Variants in ELP3 observed in about 807,000 individuals in gnomAD.
The protein encoded by ELP3 is elongator complex protein 3.
A neutral mutation model predicts 74.9 loss-of-function variants in ELP3; 56 were observed. The ratio of observed to expected loss-of-function variants is 0.75; its 90% CI spans 0.60 to 0.93. ELP3 has a LOEUF of 0.93. Among genes scored for constraint, ELP3 ranks in the 40% least tolerant of loss-of-function variants. The probability of loss-of-function intolerance (pLI) is 0.00; values close to 1 mark genes in which losing one functional copy is unlikely to be tolerated. For missense variants in ELP3, 573 were observed against 686.5 expected (o/e 0.83, Z 1.85); for synonymous variants, 222 against 239.8 (o/e 0.93, Z 0.68).
intron 7 of ELP3, among the ~76,000 whole-genome samples, chr8:28,117,373 T>C (rs1563255839): frequency 6.6e-6 from 1 of 152,168 alleles, no homozygotes; most frequent in Non-Finnish European, 1.5e-5. Context: ...TTTTCCATCA[T>C]TGGGTTGAAA....
At chr8:28,124,513 T>G (rs1257960782) in intron 7 of ELP3, among the ~76,000 whole-genome samples, 1 of 152,208 alleles carries the variant, frequency 6.6e-6, no homozygotes, top group Non-Finnish European at 1.5e-5. Context: ...TATTCTTCAT[T>G]TAGCAACCAC....
At chr8:28,120,951 T>C (rs565564193) in intron 7 of ELP3, among the ~76,000 whole-genome samples, 2 of 152,386 alleles carry the variant, frequency 1.3e-5, no homozygotes, top group East Asian at 3.8e-4. Flanking sequence ...TAGTGTATCT[T>C]GAAGTCAAGT....
intron 14 of ELP3, among the ~76,000 whole-genome samples, chr8:28,169,863 A>G (rs892339837): frequency 6.6e-6 from 1 of 152,018 alleles, no homozygotes; most frequent in African/African-American, 2.4e-5. Flanking sequence ...TCGGTTCCTC[A>G]CAAGCTGTTG....
intron 3 of ELP3, 142 bp downstream of exon 3, chr8:28,100,108 G>T: frequency 2.0e-6 from 2 of 981,674 alleles, no homozygotes; most frequent in South Asian, 3.2e-5. Flanking sequence ...ATGTGCTGGA[G>T]TGGAGACCTG....
At chr8:28,159,938 A>C (rs1814000816) in intron 12 of ELP3, among the ~76,000 whole-genome samples, 1 of 152,222 alleles carries the variant, frequency 6.6e-6, no homozygotes, top group African/African-American at 2.4e-5. Context: ...ATGGGGAGTC[A>C]AATGCATGGA....
chr8:28,166,185 C>T (rs541318906), intron 14 of ELP3, among the ~76,000 whole-genome samples: 1 of 152,238 alleles, frequency 6.6e-6, no homozygotes, highest in African/African-American at 2.4e-5. Context: ...CCCTGCCCTG[C>T]GTGAACGTTC....
At chr8:28,176,242 T>C (rs149368998) in intron 14 of ELP3, among the ~76,000 whole-genome samples, 51 of 152,326 alleles carry the variant, frequency 3.3e-4, no homozygotes, top group Admixed American at 1.8e-3. Flanking sequence ...TTTTCTTAAA[T>C]GTCTGGTTCA....
intron 5 of ELP3, among the ~76,000 whole-genome samples, chr8:28,110,123 C>T (rs1488173296): frequency 1.3e-5 from 2 of 152,106 alleles, no homozygotes; most frequent in African/African-American, 4.8e-5. Context: ...AGTGTTTATA[C>T]AAAAGACAGA....
intron 5 of ELP3, among the ~76,000 whole-genome samples, 160 bp downstream of exon 5, chr8:28,108,136 A>G (rs1811770174): frequency 6.6e-6 from 1 of 152,222 alleles, no homozygotes; most frequent in South Asian, 2.1e-4. Flanking sequence ...AGTGTCTACT[A>G]GTGCCCTATA....
rs140258549 is a variant in ELP3 at position 28,164,999 on chromosome 8, G to T, written c.1567+2921G>T. ...TGCTGGTGTCTGTGGGCTGCATTTT[G>T]TCAGCGTTACCTCATTGGATTAGCT... On this transcript the variant is annotated intron_variant, in intron 14 of 14. Transcript: ENST00000256398. Among the ~76,000 whole-genome samples, 4 of 152,148 alleles carry T rather than the reference G, an allele frequency of 2.6e-5. 1 individual carries two copies. Among genetic ancestry groups the T allele is most frequent in the Admixed American group, 1.3e-4 (2 of 15,284 alleles).
At chr8:28,171,803 G>T (rs893239527) in intron 14 of ELP3, among the ~76,000 whole-genome samples, 2 of 152,046 alleles carry the variant, frequency 1.3e-5, no homozygotes, top group African/African-American at 4.8e-5. Context: ...CTCAAATTTA[G>T]ATCTTTGACC....
intron 7 of ELP3, among the ~76,000 whole-genome samples, chr8:28,121,907 C>T (rs1379197209): frequency 6.6e-6 from 1 of 152,182 alleles, no homozygotes; most frequent in Non-Finnish European, 1.5e-5. Flanking sequence ...GCGTCTCTGT[C>T]TTGTTCCCAG....
At position 28,099,840 on chromosome 8, in the gene ELP3, G is replaced by C. The variant is rs185083326; in HGVS notation, c.132G>C (p.Lys44Asn). Reference protein sequence around the residue: ...KDIDLNKVKTKTAAKYGLSAQ... With the variant: ...KDIDLNKVKTNTAAKYGLSAQ... ...GCTTTACTTTCAGGGTGAAAACCAA[G>C]ACAGCTGCCAAATATGGCCTTTCTG... Residue 44 changes from lysine to asparagine, a missense_variant, in exon 3 of 15, where the codon AAG becomes AAC. By Grantham distance (94) the Lys-to-Asn change is moderately conservative. Coordinates refer to ENST00000256398, the MANE Select transcript of ELP3 (RefSeq NM_018091.6). 6.2e-7 allele frequency: 1 copy of C among 1,614,210 alleles called. No individual in the cohort carries two copies. The highest frequency in any genetic ancestry group is 1.7e-5 in the Admixed American group (1 of 60,022).
chr8:28,098,216 A>G (rs1045194931), intron 2 of ELP3, among the ~76,000 whole-genome samples: 2 of 151,586 alleles, frequency 1.3e-5, no homozygotes, highest in Non-Finnish European at 2.9e-5. Context: ...TTTTTTTTCA[A>G]ACTATAATAT....
At chr8:28,148,489 G>A (rs1420727330) in intron 10 of ELP3, among the ~76,000 whole-genome samples, 1 of 152,096 alleles carries the variant, frequency 6.6e-6, no homozygotes, top group Admixed American at 6.5e-5. Context: ...CATGGCCTCT[G>A]GTCATGAGGA....
chr8:28,139,945 CA>C (rs1475504666), intron 10 of ELP3, among the ~76,000 whole-genome samples: 1 of 151,424 alleles, frequency 6.6e-6, no homozygotes, highest in Non-Finnish European at 1.5e-5. Context: ...AACTCCATCT[CA>C]AAAAAAAGTA....
intron 10 of ELP3, 79 bp from the exon 11 acceptor site, chr8:28,155,863 C>A: frequency 8.3e-7 from 1 of 1,207,562 alleles, no homozygotes; most frequent in Non-Finnish European, 1.2e-6. Context: ...TTCTTTTTAA[C>A]TTTTTTAATA....
Position 28,160,582 on chromosome 8 carries a change from C to T in ELP3, c.1485+126C>T, listed in dbSNP as rs141074404. 1.0e-5 allele frequency: 8 copies of T among 770,938 alleles called. No homozygotes were observed. The East Asian group carries it at 2.1e-4, about 21-fold the overall frequency. The allele number at this position is 770,938 out of a possible 1,614,324, so 47.8% of individuals were successfully genotyped here. ...GAGAGGGGAAAGAGAAGCATAGAAA[C>T]AGAGGAGCCAGTGTTTTAGTTGTTC... On this transcript the variant is annotated intron_variant, in intron 13 of 14. Coordinates refer to ENST00000256398, the MANE Select transcript of ELP3 (RefSeq NM_018091.6).
chr8:28,137,458 T>A (rs568463926), intron 9 of ELP3, among the ~76,000 whole-genome samples: 4 of 152,254 alleles, frequency 2.6e-5, no homozygotes, highest in African/African-American at 7.2e-5. Context: ...GAGATGAGAT[T>A]GTGCAGGAGA....
Sources: gnomAD v4.1 joint callset for allele counts (sites outside exome capture counted in the v4.1 genomes callset) on GRCh38, gnomAD v4.1.1 for gene constraint, MANE v1.5 for transcripts, NCBI Gene and HGNC (gene_info 2026-07-23, HGNC 2026-07-21) for gene names.